Variants in WIPF3 observed in about 807,000 individuals in gnomAD.
The protein encoded by WIPF3 is WAS/WASL interacting protein family member 3, also known as WAS/WASL-interacting protein family member 3.
In WIPF3, 33 loss-of-function variants were observed where a neutral mutation model predicts 38.9. The observed-to-expected ratio is 0.85, with a 90% confidence interval of 0.64 to 1.14. WIPF3 has a LOEUF of 1.14. Among genes scored for constraint, WIPF3 ranks in the 50% most tolerant of loss-of-function variants. The pLI, the probability that WIPF3 is intolerant of heterozygous loss-of-function variation, is 0.00. For synonymous variants in WIPF3, 324 were observed against 269.3 expected, an observed-to-expected ratio of 1.20 and a Z score of -1.99; for missense variants, 711 against 652.5, an observed-to-expected ratio of 1.09 and a Z score of -0.98.
chr7:29,830,762 A>C (rs1784705748), intron 1 of WIPF3, among the ~76,000 whole-genome samples: 1 of 152,188 alleles, frequency 6.6e-6, no homozygotes, highest in South Asian at 2.1e-4. Flanking sequence ...TGCTACATGG[A>C]AATATCAGCG....
At chr7:29,822,123 G>GTTTTTTTTTTTTTTTTTTTTTTTTGT in intron 1 of WIPF3, among the ~76,000 whole-genome samples, 1 of 62,876 alleles carries the variant, frequency 1.6e-5, no homozygotes, top group African/African-American at 7.0e-5. Context: ...TTTTTTCTTA[G>GTTTTTTTTTTTTTTTTTTTTTTTTGT]TTTTTTTTTT....
intron 1 of WIPF3, among the ~76,000 whole-genome samples, chr7:29,832,174 A>G (rs948789628): frequency 6.6e-6 from 1 of 152,238 alleles, no homozygotes; most frequent in Non-Finnish European, 1.5e-5. Flanking sequence ...TAATACTTCA[A>G]CCAACTCTTT....
Position 29,916,489 on chromosome 7 carries a change from TG to T in WIPF3, c.*1975del, listed in dbSNP as rs2128083053. 6.6e-6 allele frequency: 1 copy of T among 151,932 alleles called. No individual in the cohort carries two copies. The highest frequency in any genetic ancestry group is 6.6e-5 in the Admixed American group (1 of 15,246). The allele number at this position is 151,932 out of a possible 1,614,324, so 9.4% of individuals were successfully genotyped here. A position where few individuals can be genotyped will look rare whatever the true frequency, so the allele number is the denominator to read the frequency against. ...TCCCAGCATGGGAGGCTGAGGTGGG[TG>T]GATTACTTGAGGTTAGGAGTTCAAG... On this transcript the variant is annotated 3_prime_UTR_variant, in exon 9 of 9. Coordinates refer to ENST00000242140, the MANE Select transcript of WIPF3 (RefSeq NM_001080529.3).
intron 8 of WIPF3, among the ~76,000 whole-genome samples, chr7:29,906,397 A>T (rs1267505033): frequency 6.6e-6 from 1 of 152,188 alleles, no homozygotes; most frequent in East Asian, 1.9e-4. Flanking sequence ...GAAATGAAAA[A>T]TTTACTAGAG....
chr7:29,901,731 G>A lies in WIPF3; in HGVS notation c.1352-2555G>A, dbSNP rs368827288. Among the ~76,000 whole-genome samples, 82 of 150,706 alleles carry A rather than the reference G, an allele frequency of 5.4e-4. No individual in the cohort carries two copies. The East Asian group carries it at 0.013, about 24-fold the overall frequency. ...TGTGCACCTGTAGTCCCAGCTACTC[G>A]GGAGGCTGAGGTGACAGGATTGCTT... On this transcript the variant is annotated intron_variant, in intron 7 of 8. Transcript: ENST00000242140.
At chr7:29,852,782 G>C (rs2128069030) in intron 2 of WIPF3, among the ~76,000 whole-genome samples, 1 of 152,310 alleles carries the variant, frequency 6.6e-6, no homozygotes, top group South Asian at 2.1e-4. Context: ...CTGAGTTTCA[G>C]GTTGGGAGGA....
intron 5 of WIPF3, among the ~76,000 whole-genome samples, chr7:29,885,385 C>T (rs954424347): frequency 2.0e-5 from 3 of 152,350 alleles, no homozygotes; most frequent in African/African-American, 7.2e-5. Context: ...ACTCATAACA[C>T]ACACATCCAC....
At chr7:29,824,102 C>A (rs181771972) in intron 1 of WIPF3, among the ~76,000 whole-genome samples, 1 of 152,122 alleles carries the variant, frequency 6.6e-6, no homozygotes, top group Non-Finnish European at 1.5e-5. Flanking sequence ...TATCTTTGAA[C>A]CTTTGAGGAG....
At chr7:29,822,123 GTTTTTTTT>G in intron 1 of WIPF3, among the ~76,000 whole-genome samples, 4 of 62,876 alleles carry the variant, frequency 6.4e-5, no homozygotes, top group Admixed American at 2.0e-4. Flanking sequence ...TTTTTTCTTA[GTTTTTTTT>G]TTTTTTTTTT....
intron 7 of WIPF3, among the ~76,000 whole-genome samples, chr7:29,889,624 G>T (rs904576576): frequency 6.6e-6 from 1 of 152,040 alleles, no homozygotes; most frequent in African/African-American, 2.4e-5. Context: ...GAACACTAAG[G>T]GTAACTGTTT....
intron 2 of WIPF3, among the ~76,000 whole-genome samples, chr7:29,858,096 T>G (rs1785215062): frequency 6.6e-6 from 1 of 152,220 alleles, no homozygotes; most frequent in African/African-American, 2.4e-5. Flanking sequence ...TTTCTCATAT[T>G]ACATAGCCAT....
chr7:29,892,349 C>T (rs187934664), intron 7 of WIPF3, among the ~76,000 whole-genome samples: 51 of 152,274 alleles, frequency 3.3e-4, no homozygotes, highest in African/African-American at 8.2e-4. Context: ...CCAGGCTGCA[C>T]GGGGCTGCCT....
At chr7:29,854,422 A>G (rs969516198) in intron 2 of WIPF3, among the ~76,000 whole-genome samples, 4 of 152,214 alleles carry the variant, frequency 2.6e-5, no homozygotes, top group African/African-American at 9.6e-5. Context: ...AGCATCCACC[A>G]CTGATGATCA....
At chr7:29,864,517 ATC>A (rs902757771) in intron 2 of WIPF3, among the ~76,000 whole-genome samples, 2 of 152,210 alleles carry the variant, frequency 1.3e-5, no homozygotes, top group Non-Finnish European at 2.9e-5. Context: ...AAAGTTGAAA[ATC>A]TCTGAAAGAC....
At chr7:29,913,507 A>G (rs1347132055) in intron 8 of WIPF3, among the ~76,000 whole-genome samples, 2 of 152,208 alleles carry the variant, frequency 1.3e-5, no homozygotes, top group Non-Finnish European at 2.9e-5. Context: ...GTTTTCTACA[A>G]TGATTATATT....
intron 1 of WIPF3, 34 bp from the exon 2 acceptor site, chr7:29,834,634 C>G: frequency 7.2e-7 from 1 of 1,384,864 alleles, no homozygotes; most frequent in African/African-American, 1.5e-5. Context: ...GTAAAGAAAT[C>G]CAAGTTTAAA....
intron 7 of WIPF3, among the ~76,000 whole-genome samples, chr7:29,894,235 C>G (rs1474988429): frequency 6.6e-6 from 1 of 152,122 alleles, no homozygotes; most frequent in Admixed American, 6.6e-5. Flanking sequence ...ATTTTATGTC[C>G]GTGGTGCTCA....
chr7:29,874,097 T>C (rs1028195949), intron 2 of WIPF3, among the ~76,000 whole-genome samples: 3 of 152,140 alleles, frequency 2.0e-5, no homozygotes, highest in African/African-American at 7.2e-5. Context: ...CCAGCATGGC[T>C]GCCCAGTCCT....
rs925117852 is a variant in WIPF3, at chr7:29,844,407, T to C, written c.90+9593T>C. ...AAATAGCTATTGTGCCCCCAAGTAC[T>C]GTGTTAAGCACTTAACATGGATTGT... On this transcript the variant is annotated intron_variant, in intron 2 of 8. Transcript: ENST00000242140. This position sits in a 1 kb window ranked among gnomAD's most constrained non-coding sequence, Gnocchi z 4.8. Among the ~76,000 whole-genome samples, 1 of 152,250 alleles carries C rather than the reference T, an allele frequency of 6.6e-6. No homozygotes were observed. The highest frequency in any genetic ancestry group is 1.5e-5 in the Non-Finnish European group (1 of 68,046).
Sources: gnomAD v4.1 joint callset for allele counts (sites outside exome capture counted in the v4.1 genomes callset) on GRCh38, gnomAD v4.1.1 for gene constraint, Gnocchi (gnomAD v3.1) non-coding constraint, MANE v1.5 for transcripts, NCBI Gene and HGNC (gene_info 2026-07-23, HGNC 2026-07-21) for gene names.